The following POU2F1 variants were observed in gnomAD, a reference collection of about 807,000 sequenced individuals.
POU2F1 encodes the protein POU class 2 homeobox 1.
POU2F1 carries 16 observed loss-of-function variants against 84.9 expected under a neutral mutation model. The observed-to-expected ratio is 0.19, with a 90% CI of 0.13 to 0.29. The LOEUF (loss-of-function observed/expected upper bound fraction) is 0.29. Ranked by LOEUF, POU2F1 falls within the 10% of genes least tolerant of loss-of-function variation. POU2F1 has a pLI of 1.00. For missense variants in POU2F1, 738 were observed against 942.6 expected (o/e 0.78, Z 2.84); for synonymous variants, 368 against 368.3 (o/e 1.00, Z 0.01).
chr1:167,398,203 A>G, intron 11 of POU2F1, 70 bp downstream of exon 11: 1 of 1,517,160 alleles, frequency 6.6e-7, no homozygotes, highest in Non-Finnish European at 8.9e-7. Context: ...ACTTAGTAGA[A>G]ACTGTAGGTG....
intron 2 of POU2F1, among the ~76,000 whole-genome samples, chr1:167,362,139 G>A (rs1306780290): frequency 6.6e-6 from 1 of 151,974 alleles, no homozygotes; most frequent in East Asian, 1.9e-4. Context: ...GTCCAATTTA[G>A]GTCTTTATGT....
intron 1 of POU2F1, among the ~76,000 whole-genome samples, chr1:167,308,764 C>A (rs1161939824): frequency 1.3e-5 from 2 of 152,198 alleles, no homozygotes; most frequent in African/African-American, 4.8e-5. Flanking sequence ...AGTGATCCAT[C>A]TGCCTAGGCC....
chr1:167,237,326 A>G (rs781474666), intron 1 of POU2F1, among the ~76,000 whole-genome samples: 1 of 152,184 alleles, frequency 6.6e-6, no homozygotes, highest in Non-Finnish European at 1.5e-5. Flanking sequence ...ATAGATTCAT[A>G]TTGTTGCATG....
At chr1:167,292,849 A>G (rs1353203225) in intron 1 of POU2F1, among the ~76,000 whole-genome samples, 1 of 152,194 alleles carries the variant, frequency 6.6e-6, no homozygotes, top group Non-Finnish European at 1.5e-5. Context: ...GGATGATTTA[A>G]CATACACAAG....
At chr1:167,347,726 A>G (rs1658292756) in intron 2 of POU2F1, among the ~76,000 whole-genome samples, 1 of 152,052 alleles carries the variant, frequency 6.6e-6, no homozygotes, top group African/African-American at 2.4e-5. Context: ...CCACCAACCT[A>G]TAGTTTGTCT....
intron 13 of POU2F1, among the ~76,000 whole-genome samples, chr1:167,408,434 A>G (rs966084683): frequency 2.6e-5 from 4 of 152,218 alleles, no homozygotes; most frequent in African/African-American, 9.6e-5. Context: ...CTTATTTATA[A>G]TATCCAAGAA....
intron 2 of POU2F1, among the ~76,000 whole-genome samples, chr1:167,341,424 A>G (rs1231727606): frequency 6.6e-6 from 1 of 152,162 alleles, no homozygotes; most frequent in Non-Finnish European, 1.5e-5. Flanking sequence ...TTTCATCTGA[A>G]TTATGATAGA....
Position 167,401,439 on chromosome 1 carries a change from T to C in POU2F1, c.1450-12T>C, listed in dbSNP as rs1649198809. The C allele has an allele frequency of 6.3e-7, 1 of 1,588,076 alleles. No individual in the cohort carries two copies. The highest frequency in any genetic ancestry group is 1.3e-5 in the African/African-American group (1 of 74,218). ...TAAGTGCTTTGTCCATGTTTTCATT[T>C]CTGACCTCAAGGTGGCGACCACACC... On this transcript the variant is annotated splice_polypyrimidine_tract_variant and intron_variant, in intron 12 of 15. Coordinates refer to ENST00000367866, the MANE Select transcript of POU2F1 (RefSeq NM_002697.4).
chr1:167,323,773 A>G (rs1464414360), intron 1 of POU2F1, among the ~76,000 whole-genome samples: 1 of 152,108 alleles, frequency 6.6e-6, no homozygotes, highest in Non-Finnish European at 1.5e-5. Flanking sequence ...GCTCAATGCA[A>G]CCTCCGCCTC....
intron 1 of POU2F1, among the ~76,000 whole-genome samples, chr1:167,223,547 T>G (rs948661741): frequency 1.3e-5 from 2 of 152,316 alleles, no homozygotes; most frequent in South Asian, 2.1e-4. Context: ...GTGTTAAACC[T>G]TTGAAATTAT....
intron 2 of POU2F1, among the ~76,000 whole-genome samples, chr1:167,360,734 G>T (rs1246394629): frequency 2.6e-5 from 4 of 152,174 alleles, no homozygotes; most frequent in African/African-American, 7.2e-5. Context: ...TAAAAAAAAT[G>T]ATGTTGGTAA....
At chr1:167,280,061 C>T (rs1180756926) in intron 1 of POU2F1, among the ~76,000 whole-genome samples, 4 of 151,724 alleles carry the variant, frequency 2.6e-5, no homozygotes, top group African/African-American at 9.7e-5. Flanking sequence ...CAAAAATTAG[C>T]CAGGCGCCTG....
chr1:167,343,516 G>T (rs1657991624), intron 2 of POU2F1, among the ~76,000 whole-genome samples: 1 of 151,328 alleles, frequency 6.6e-6, no homozygotes, highest in African/African-American at 2.4e-5. Flanking sequence ...GAATTTTCCA[G>T]CCATGTTATA....
At chr1:167,300,853 C>G (rs560592383) in intron 1 of POU2F1, among the ~76,000 whole-genome samples, 1 of 152,222 alleles carries the variant, frequency 6.6e-6, no homozygotes, top group African/African-American at 2.4e-5. Flanking sequence ...TCACTGCAAC[C>G]TCCAACCCCC....
intron 8 of POU2F1, 99 bp from the exon 9 acceptor site, chr1:167,389,489 T>G: frequency 7.7e-7 from 1 of 1,297,944 alleles, no homozygotes; most frequent in African/African-American, 1.5e-5. Context: ...TCTTCATCGT[T>G]ATCCATAAAT....
At chr1:167,278,616 A>G (rs1652905260) in intron 1 of POU2F1, among the ~76,000 whole-genome samples, 1 of 152,230 alleles carries the variant, frequency 6.6e-6, no homozygotes, top group African/African-American at 2.4e-5. Flanking sequence ...AGGTAAAATC[A>G]GCTAATTCCT....
At chr1:167,292,788 A>G (rs1332725996) in intron 1 of POU2F1, among the ~76,000 whole-genome samples, 1 of 152,242 alleles carries the variant, frequency 6.6e-6, no homozygotes, top group Non-Finnish European at 1.5e-5. Flanking sequence ...CCAGCAGGAC[A>G]TAAAAAAGAC....
intron 1 of POU2F1, among the ~76,000 whole-genome samples, chr1:167,279,509 T>G (rs1652966009): frequency 6.6e-6 from 1 of 152,190 alleles, no homozygotes; most frequent in African/African-American, 2.4e-5. Flanking sequence ...GAGTTATGAC[T>G]TAGAACAGAG....
chr1:167,348,203 G>C (rs972899814), intron 2 of POU2F1, among the ~76,000 whole-genome samples: 1 of 152,132 alleles, frequency 6.6e-6, no homozygotes, highest in Non-Finnish European at 1.5e-5. Context: ...TGTACAGTTA[G>C]TATACTGAAT....
Sources: allele counts gnomAD v4.1 joint callset (sites outside exome capture counted in the v4.1 genomes callset), GRCh38; gene constraint gnomAD v4.1.1; transcripts MANE v1.5; gene names NCBI Gene and HGNC (gene_info 2026-07-23, HGNC 2026-07-21).